MOV10L1: variants seen among roughly 807,000 people sequenced by gnomAD.
MOV10L1 encodes the protein RNA helicase Mov10l1.
MOV10L1 carries 110 observed loss-of-function variants against 143.8 expected under a neutral mutation model. The observed-to-expected ratio is 0.76, with a 90% CI of 0.66 to 0.90. The LOEUF (loss-of-function observed/expected upper bound fraction) is 0.90, where lower values mean the gene tolerates loss of function less well. Among genes scored for constraint, MOV10L1 ranks in the 40% least tolerant of loss-of-function variants. MOV10L1 has a pLI of 0.00. For missense variants in MOV10L1, 1,406 were observed against 1,526.8 expected (o/e 0.92, Z 1.32); for synonymous variants, 593 against 581.1 (o/e 1.02, Z -0.29).
intron 10 of MOV10L1, among the ~76,000 whole-genome samples, chr22:50,121,297 A>G (rs751972277): frequency 1.3e-5 from 2 of 152,116 alleles, no homozygotes; most frequent in African/African-American, 2.4e-5. Flanking sequence ...ATCCTTTCCA[A>G]ATACACCTCC....
chr22:50,129,812 C>T (rs1271526813), intron 13 of MOV10L1, among the ~76,000 whole-genome samples: 1 of 152,166 alleles, frequency 6.6e-6, no homozygotes, highest in Non-Finnish European at 1.5e-5. Context: ...TCTTCTTGTT[C>T]GTGGGCCGTA....
intron 12 of MOV10L1, among the ~76,000 whole-genome samples, chr22:50,127,520 G>A (rs2062545527): frequency 6.6e-6 from 1 of 152,120 alleles, no homozygotes; most frequent in Non-Finnish European, 1.5e-5. Flanking sequence ...CTTCCTCCCG[G>A]AGCTGGAAGC....
chr22:50,145,633 G>A, intron 18 of MOV10L1, 56 bp from the exon 19 acceptor site: 2 of 1,600,828 alleles, frequency 1.2e-6, no homozygotes, highest in Admixed American at 1.7e-5. Flanking sequence ...GTTCCCTTTT[G>A]GAATTCTGCT....
At position 50,092,073 on chromosome 22, in the gene MOV10L1, T is replaced by A; in HGVS notation, c.170T>A (p.Met57Lys). Reference protein sequence around the residue: ...YCSDYGMIDDMIYFSSDAVTS... With the variant: ...YCSDYGMIDDKIYFSSDAVTS... The stretch of plus-strand genomic sequence containing the variant: ...AGCGATTATGGCATGATTGATGATA[T>A]GATCTACTTCTCCAGTGATGCTGTG... Residue 57 changes from methionine to lysine, a missense_variant, in exon 2 of 27, where the codon ATG (methionine) becomes AAG (lysine). This residue lies in a region of MOV10L1 where 166 missense variants were observed against 153.9 expected (regional missense o/e 1.08). Coordinates refer to ENST00000262794, the MANE Select transcript of MOV10L1 (RefSeq NM_018995.3). 1 of 1,614,188 alleles carries A rather than the reference T, an allele frequency of 6.2e-7. No homozygotes were observed. Among genetic ancestry groups the A allele is most frequent in the Non-Finnish European group, 8.5e-7 (1 of 1,179,998 alleles).
chr22:50,161,255 G>A (rs1386199103), intron 26 of MOV10L1, 113 bp from the exon 27 acceptor site: 2 of 1,043,048 alleles, frequency 1.9e-6, no homozygotes, highest in African/African-American at 1.6e-5. Flanking sequence ...TCCCACATAG[G>A]CTAACAGGGT....
chr22:50,154,171 G>A (rs2063366228), intron 22 of MOV10L1, among the ~76,000 whole-genome samples: 1 of 152,166 alleles, frequency 6.6e-6, no homozygotes, highest in Non-Finnish European at 1.5e-5. Flanking sequence ...TCCAGACATG[G>A]TGCACTCTGA....
intron 19 of MOV10L1, among the ~76,000 whole-genome samples, chr22:50,147,579 G>A (rs533960886): frequency 4.9e-4 from 75 of 151,578 alleles, no homozygotes; most frequent in Non-Finnish European, 8.7e-4. Flanking sequence ...TCTCTCAGAG[G>A]CGCTCTGTGC....
chr22:50,114,334 G>T, intron 6 of MOV10L1, 47 bp from the exon 7 acceptor site: 1 of 1,592,588 alleles, frequency 6.3e-7, no homozygotes, highest in South Asian at 1.1e-5. Flanking sequence ...TGAATATTTT[G>T]GTTTTAGAAA....
chr22:50,154,443 C>CT (rs2063375766), intron 22 of MOV10L1, among the ~76,000 whole-genome samples: 1 of 151,584 alleles, frequency 6.6e-6, no homozygotes, highest in South Asian at 2.1e-4. Context: ...TGGCATGTGC[C>CT]TTTGGTCCCG....
At chr22:50,095,294 T>G (rs546645257) in intron 2 of MOV10L1, 2 of 152,242 alleles carry the variant, frequency 1.3e-5, no homozygotes. Context: ...ACAATATGCT[T>G]GTATCTTTTA....
chr22:50,095,506 G>C (rs1295092471), intron 2 of MOV10L1: 1 of 152,198 alleles, frequency 6.6e-6, no homozygotes, highest in East Asian at 1.9e-4. Context: ...ATCTTTGAAA[G>C]AGGATCTGGA....
Position 50,145,755 on chromosome 22 carries a change from C to T in MOV10L1, c.2572C>T (p.Arg858Trp), listed in dbSNP as rs769328111. 1.4e-5 allele frequency: 23 copies of T among 1,614,132 alleles called. No individual in the cohort carries two copies. Among genetic ancestry groups the T allele is most frequent in the East Asian group, 4.5e-5 (2 of 44,892 alleles). The change falls in exon 19 of 27, where the codon CGG (arginine) becomes TGG (tryptophan). Residue 858 changes from arginine (R) to tryptophan (W), a missense_variant. Around this residue, in one of 3 missense-constraint regions of MOV10L1, gnomAD observed 1,233 missense variants for 1,351.4 expected, o/e 0.91. Transcript: ENST00000262794. The part of the protein sequence containing the change: ...GEDIWKASRF[R>W]IIITTCSSSG... ...AGACATCTGGAAAGCCTCACGCTTC[C>T]GGATAATCATCACCACATGCAGCAG...
In MOV10L1 at chr22:50,092,363, G is replaced by C. The variant is rs540197397; in HGVS notation, c.282+178G>C. Among the ~76,000 whole-genome samples, 11 of 152,306 alleles carry C rather than the reference G, an allele frequency of 7.2e-5. No homozygotes were observed. In the East Asian group the frequency reaches 2.1e-3, roughly 29 times the overall value. On this transcript the variant is annotated intron_variant, in intron 2 of 26. Coordinates refer to ENST00000262794, the MANE Select transcript of MOV10L1 (RefSeq NM_018995.3). ...TTTAAAAAATAGACTGGGTACAGTG[G>C]CTCACGCCTGTAATCCCAGCACTTT...
chr22:50,100,679 G>C (rs537140353), intron 3 of MOV10L1, among the ~76,000 whole-genome samples: 2 of 152,166 alleles, frequency 1.3e-5, no homozygotes, highest in African/African-American at 4.8e-5. Context: ...CTAACTTTTT[G>C]TGTCTTTAGT....
chr22:50,099,522 T>C lies in MOV10L1; in HGVS notation c.362T>C (p.Ile121Thr), dbSNP rs760228272. ...SPSDCGPRVL[I>T]GCVTSLVEGA... is the part of the protein sequence containing the mutation. ...TCAGACTGCGGCCCCCGAGTGTTGA[T>C]TGGCTGTGTGACTTCCCTGGTGGAG... Residue 121 changes from isoleucine to threonine, a missense_variant, in exon 3 of 27, where the codon ATT (isoleucine) becomes ACT (threonine). Coordinates refer to ENST00000262794, the MANE Select transcript of MOV10L1 (RefSeq NM_018995.3). 2.5e-6 allele frequency: 4 copies of C among 1,614,186 alleles called. No individual in the cohort carries two copies. Among genetic ancestry groups the C allele is most frequent in the East Asian group, 2.2e-5 (1 of 44,884 alleles).
At chr22:50,133,874 TGATTGTTG>T (rs1241963901) in intron 13 of MOV10L1, 125 bp from the exon 14 acceptor site, 2 of 772,370 alleles carry the variant, frequency 2.6e-6, no homozygotes, top group Non-Finnish European at 4.2e-6. Flanking sequence ...TCTATTTCAT[TGATTGTTG>T]GATTGTTGCT....
chr22:50,100,122 G>A (rs2062701220), intron 3 of MOV10L1, among the ~76,000 whole-genome samples: 1 of 151,506 alleles, frequency 6.6e-6, no homozygotes, highest in South Asian at 2.1e-4. Flanking sequence ...CTCCTGAGTA[G>A]CTGGGATTAC....
intron 13 of MOV10L1, among the ~76,000 whole-genome samples, chr22:50,129,622 C>T (rs2062615177): frequency 6.6e-6 from 1 of 152,150 alleles, no homozygotes; most frequent in Non-Finnish European, 1.5e-5. Flanking sequence ...GTTTTTCCAG[C>T]TTTACAAGTG....
At position 50,143,163 on chromosome 22, in the gene MOV10L1, T is replaced by C. The variant is rs1296811960; in HGVS notation, c.2300T>C (p.Ile767Thr). 1 of 1,614,184 alleles carries C rather than the reference T, an allele frequency of 6.2e-7. No homozygotes were observed. ...GGTGACTGCCGTCCCCTCCCGTATATTCTCTTTGGACCTCCTGGTACTGGA... is the reference window on the plus strand; with the variant it reads ...GGTGACTGCCGTCCCCTCCCGTATACTCTCTTTGGACCTCCTGGTACTGGA... Reference protein sequence around the residue: ...LSGDCRPLPYILFGPPGTGKT... With the variant: ...LSGDCRPLPYTLFGPPGTGKT... The change falls in exon 17 of 27, where the codon ATT (isoleucine) becomes ACT (threonine). Residue 767 changes from isoleucine to threonine, a missense_variant. This residue lies in a region of MOV10L1 where 1,233 missense variants were observed against 1,351.4 expected (regional missense o/e 0.91). Coordinates refer to ENST00000262794, the MANE Select transcript of MOV10L1 (RefSeq NM_018995.3).
Sources: allele counts gnomAD v4.1 joint callset (sites outside exome capture counted in the v4.1 genomes callset), GRCh38; gene constraint gnomAD v4.1.1; regional missense constraint gnomAD v4.1.1; transcripts MANE v1.5; gene names NCBI Gene and HGNC (gene_info 2026-07-23, HGNC 2026-07-21).